The following ABCA12 variants were observed in gnomAD, a reference collection of about 807,000 sequenced individuals.
ABCA12 encodes the protein glucosylceramide transporter ABCA12.
Under a neutral mutation model 293.5 loss-of-function variants are expected in ABCA12, and 156 were observed. The ratio of observed to expected loss-of-function variants is 0.53; its 90% CI spans 0.47 to 0.61. ABCA12 has a LOEUF of 0.61. Ranked by LOEUF, ABCA12 falls within the 20% of genes least tolerant of loss-of-function variation. The pLI, the probability that ABCA12 is intolerant of heterozygous loss-of-function variation, is 0.00. For missense variants in ABCA12, 2,797 were observed against 3,090.2 expected (o/e 0.91, Z 2.25); for synonymous variants, 1,063 against 1,108.0 (o/e 0.96, Z 0.81).
At chr2:214,948,221 T>G (rs1004134048) in intron 47 of ABCA12, among the ~76,000 whole-genome samples, 1 of 152,194 alleles carries the variant, frequency 6.6e-6, no homozygotes, top group African/African-American at 2.4e-5. Flanking sequence ...CTATTTTACT[T>G]GGGCATTTTG....
chr2:214,932,550 A>T lies in ABCA12; in HGVS notation c.*84T>A. ...TATATTACTTTACTTTAAAATGAAG[A>T]TATCTTGCGGAAGTGTATCTTCTGT... On this transcript the variant is annotated 3_prime_UTR_variant, in exon 53 of 53. Transcript: ENST00000272895. The T allele has an allele frequency of 1.0e-6, 1 of 970,710 alleles. No individual in the cohort carries two copies. The highest frequency in any genetic ancestry group is 1.3e-5 in the South Asian group (1 of 74,164). 60.1% of individuals were successfully genotyped at this position (970,710 alleles called of 1,614,324 possible).
intron 11 of ABCA12, among the ~76,000 whole-genome samples, chr2:215,023,862 T>C (rs376982958): frequency 1.3e-5 from 2 of 152,220 alleles, no homozygotes; most frequent in Non-Finnish European, 2.9e-5. Context: ...TCATTAGAGA[T>C]GTCTCTTTCT....
intron 2 of ABCA12, among the ~76,000 whole-genome samples, chr2:215,081,805 C>A (rs905884431): frequency 1.3e-5 from 2 of 151,934 alleles, no homozygotes; most frequent in Non-Finnish European, 2.9e-5. Context: ...CAGAAAGAGA[C>A]CTGGAAGACA....
intron 7 of ABCA12, among the ~76,000 whole-genome samples, chr2:215,040,712 T>C (rs186138612): frequency 2.0e-4 from 30 of 152,196 alleles, no homozygotes; most frequent in African/African-American, 7.0e-4. Flanking sequence ...CTTGGGAGGC[T>C]GAAGCAGGAG....
intron 23 of ABCA12, among the ~76,000 whole-genome samples, chr2:214,996,458 T>G (rs1372106585): frequency 6.6e-6 from 1 of 152,126 alleles, no homozygotes; most frequent in Non-Finnish European, 1.5e-5. Context: ...CTTTACTCTG[T>G]GATGATTTGC....
rs771939225 is a variant in ABCA12 at position 215,049,827 on chromosome 2, A to G, written c.508-16T>C. 3.1e-6 allele frequency: 5 copies of G among 1,597,242 alleles called. No homozygotes were observed. The highest frequency in any genetic ancestry group is 4.3e-6 in the Non-Finnish European group (5 of 1,166,970). On this transcript the variant is annotated splice_polypyrimidine_tract_variant and intron_variant, in intron 5 of 52. Coordinates refer to ENST00000272895, the MANE Select transcript of ABCA12 (RefSeq NM_173076.3). ...GCTTTAACAGCTAAAAGCATGTGTG[A>G]AAAGAGTAAAATAAGAGTGTTAATA...
At chr2:214,957,918 A>C (rs1699001001) in intron 41 of ABCA12, among the ~76,000 whole-genome samples, 1 of 152,150 alleles carries the variant, frequency 6.6e-6, no homozygotes, top group Non-Finnish European at 1.5e-5. Context: ...CTATTTCTCC[A>C]CAGTACTGAC....
chr2:214,937,648 T>G, intron 50 of ABCA12, 33 bp from the exon 51 acceptor site: 5 of 1,516,026 alleles, frequency 3.3e-6, no homozygotes, highest in Non-Finnish European at 3.7e-6. Context: ...ATGATATGAA[T>G]TACATTTTGC....
intron 44 of ABCA12, among the ~76,000 whole-genome samples, chr2:214,951,540 T>C (rs758223515): frequency 3.4e-4 from 51 of 152,170 alleles, no homozygotes; most frequent in Non-Finnish European, 5.1e-4. Flanking sequence ...ACGGATCACC[T>C]GAGGTCAGAA....
At chr2:214,934,362 AAACT>A (rs1162125471) in intron 51 of ABCA12, 147 bp from the exon 52 acceptor site, 5 of 932,752 alleles carry the variant, frequency 5.4e-6, no homozygotes, top group African/African-American at 4.9e-5. Flanking sequence ...GTATATTTTG[AAACT>A]AACAGCTTGC....
At chr2:215,035,547 T>A (rs1323860278) in intron 8 of ABCA12, among the ~76,000 whole-genome samples, 1 of 151,060 alleles carries the variant, frequency 6.6e-6, no homozygotes, top group Non-Finnish European at 1.5e-5. Context: ...GCGCCTGTAA[T>A]CCCAGCTACT....
At chr2:214,998,865 A>AT (rs552780816) in intron 22 of ABCA12, among the ~76,000 whole-genome samples, 231 of 152,272 alleles carry the variant, frequency 1.5e-3, no homozygotes, top group African/African-American at 5.3e-3. Flanking sequence ...TCGATGAGAG[A>AT]TTCTAAGTTG....
At chr2:215,130,077 T>C (rs1488315010) in intron 1 of ABCA12, among the ~76,000 whole-genome samples, 1 of 152,172 alleles carries the variant, frequency 6.6e-6, no homozygotes, top group Non-Finnish European at 1.5e-5. Flanking sequence ...TCTGTTCCAT[T>C]GATCTGTGTC....
chr2:214,942,517 G>T (rs1698439109), intron 50 of ABCA12, among the ~76,000 whole-genome samples: 2 of 152,226 alleles, frequency 1.3e-5, no homozygotes, highest in African/African-American at 4.8e-5. Flanking sequence ...CTTACTGAAA[G>T]ACTGTGCAAA....
At chr2:215,075,505 G>T in intron 2 of ABCA12, 1 of 681,544 alleles carries the variant, frequency 1.5e-6, no homozygotes, top group Non-Finnish European at 2.6e-6. Flanking sequence ...CTTTGCAAAT[G>T]ATTTATTGTG....
chr2:215,085,772 G>T (rs183100202), intron 2 of ABCA12, among the ~76,000 whole-genome samples: 4 of 152,112 alleles, frequency 2.6e-5, no homozygotes, highest in African/African-American at 9.7e-5. Flanking sequence ...TTGGGGCAGG[G>T]TGGGGAATGA....
At chr2:214,936,675 G>A (rs914889536) in intron 51 of ABCA12, among the ~76,000 whole-genome samples, 1 of 152,176 alleles carries the variant, frequency 6.6e-6, no homozygotes, top group Non-Finnish European at 1.5e-5. Context: ...GAGATCAACT[G>A]TACAATATTT....
intron 1 of ABCA12, among the ~76,000 whole-genome samples, chr2:215,117,258 A>G (rs1203991240): frequency 6.6e-6 from 1 of 152,236 alleles, no homozygotes; most frequent in Non-Finnish European, 1.5e-5. Context: ...AAACAGAAAA[A>G]GAGATAAAGA....
chr2:215,011,004 T>A (rs963678432), intron 17 of ABCA12, among the ~76,000 whole-genome samples: 2 of 152,188 alleles, frequency 1.3e-5, no homozygotes, highest in African/African-American at 4.8e-5. Context: ...TCTGCTGCAG[T>A]CATGCAACTC....
Sources: allele counts gnomAD v4.1 joint callset (sites outside exome capture counted in the v4.1 genomes callset), GRCh38; gene constraint gnomAD v4.1.1; transcripts MANE v1.5; gene names NCBI Gene and HGNC (gene_info 2026-07-23, HGNC 2026-07-21).